The following CFAP206 variants were observed in gnomAD, a reference collection of about 807,000 sequenced individuals.
CFAP206 encodes the protein cilia and flagella associated protein 206, also known as cilia- and flagella-associated protein 206.
Under a neutral mutation model 65.4 loss-of-function variants are expected in CFAP206, and 53 were observed. The ratio of observed to expected loss-of-function variants is 0.81; its 90% CI spans 0.65 to 1.02. CFAP206 has a LOEUF of 1.02. Among genes scored for constraint, CFAP206 ranks in the 50% least tolerant of loss-of-function variants. The pLI is 0.00. For missense variants in CFAP206, 663 were observed against 753.2 expected, an observed-to-expected ratio of 0.88 and a Z score of 1.40; for synonymous variants, 250 against 254.4, an observed-to-expected ratio of 0.98 and a Z score of 0.17.
At chr6:87,422,652 G>A (rs530336485) in intron 7 of CFAP206, among the ~76,000 whole-genome samples, 1 of 151,882 alleles carries the variant, frequency 6.6e-6, no homozygotes, top group South Asian at 2.1e-4. Flanking sequence ...TTGGGAGGCT[G>A]AGGCAGGAGA....
intron 11 of CFAP206, among the ~76,000 whole-genome samples, chr6:87,448,439 G>A (rs987339908): frequency 2.6e-5 from 4 of 152,140 alleles, no homozygotes; most frequent in Non-Finnish European, 4.4e-5. Context: ...TGTATACAAT[G>A]TATTATGATC....
chr6:87,437,789 G>T (rs1382345281), intron 11 of CFAP206, among the ~76,000 whole-genome samples: 1 of 147,950 alleles, frequency 6.8e-6, no homozygotes, highest in East Asian at 2.0e-4. Context: ...TTGTGTAGCT[G>T]AGACCACACA....
intron 11 of CFAP206, among the ~76,000 whole-genome samples, chr6:87,453,419 C>A (rs1378830904): frequency 2.0e-5 from 3 of 152,048 alleles, no homozygotes; most frequent in African/African-American, 7.2e-5. Context: ...AGTAAGTACA[C>A]AAATACAAAA....
intron 11 of CFAP206, chr6:87,444,599 T>C: frequency 3.2e-6 from 1 of 313,272 alleles, no homozygotes; most frequent in Non-Finnish European, 6.2e-6. Context: ...CAGGCATTCC[T>C]TCATGAACAT....
chr6:87,414,068 A>C (rs1366820052), intron 4 of CFAP206, among the ~76,000 whole-genome samples, 168 bp downstream of exon 4: 1 of 152,206 alleles, frequency 6.6e-6, no homozygotes, highest in Non-Finnish European at 1.5e-5. Flanking sequence ...ATGAAAAAAA[A>C]CCATTGGCCT....
rs1768742841 is a variant in CFAP206 at position 87,461,203 on chromosome 6, G to T, written c.1638+38G>T. The T allele has an allele frequency of 2.8e-6, 4 of 1,405,196 alleles. No individual in the cohort carries two copies. The East Asian group carries it at 8.0e-5, about 28-fold the overall frequency. 87.0% of individuals were successfully genotyped at this position (1,405,196 alleles called of 1,614,324 possible). A position where few individuals can be genotyped will look rare whatever the true frequency, so the allele number is the denominator to read the frequency against. ...ACTTTCTAGAATTATTTATATGTTG[G>T]GGAATTTTAATCTATTGTTACTCAT... On this transcript the variant is annotated intron_variant, in intron 12 of 12. Coordinates refer to ENST00000369562, the MANE Select transcript of CFAP206 (RefSeq NM_001031743.3).
At chr6:87,420,196 T>C (rs1484860916) in intron 7 of CFAP206, among the ~76,000 whole-genome samples, 1 of 152,246 alleles carries the variant, frequency 6.6e-6, no homozygotes, top group Non-Finnish European at 1.5e-5. Flanking sequence ...ACTAAGGGGA[T>C]TTTGTAATCA....
At chr6:87,457,807 G>A (rs1768674810) in intron 11 of CFAP206, among the ~76,000 whole-genome samples, 1 of 152,124 alleles carries the variant, frequency 6.6e-6, no homozygotes, top group East Asian at 1.9e-4. Flanking sequence ...GACAACCAAA[G>A]CAAAAATGGA....
At chr6:87,447,586 T>C (rs960683823) in intron 11 of CFAP206, among the ~76,000 whole-genome samples, 3 of 152,228 alleles carry the variant, frequency 2.0e-5, no homozygotes, top group Non-Finnish European at 4.4e-5. Flanking sequence ...GCATCAGGAT[T>C]GCATTGAGGA....
chr6:87,428,610 T>G lies in CFAP206; in HGVS notation c.961-16T>G. 6.2e-7 allele frequency: 1 copy of G among 1,610,372 alleles called. No individual in the cohort carries two copies. On this transcript the variant is annotated splice_polypyrimidine_tract_variant and intron_variant, in intron 8 of 12. Coordinates refer to ENST00000369562, the MANE Select transcript of CFAP206 (RefSeq NM_001031743.3). ...TTACACAGTTGCATTTTGAATATTT[T>G]TTTTCTCTTCCTCAGCCTATCTTCA...
chr6:87,410,615 G>A lies in CFAP206; in HGVS notation c.139G>A (p.Gly47Ser). Residue 47 changes from glycine to serine, a missense_variant, in exon 3 of 13, where the codon GGC becomes AGC. Gly to Ser is a moderately conservative substitution (Grantham distance 56). Transcript: ENST00000369562. ...VKAVVLDPSN[G>S]FNMDRTLMKS... ...AGCTGTTGTCCTGGATCCAAGTAAT[G>A]GCTTTAACATGGATAGAACCCTCAT... 2 of 1,613,888 alleles carry A rather than the reference G, an allele frequency of 1.2e-6. No individual in the cohort carries two copies. Among genetic ancestry groups the A allele is most frequent in the Non-Finnish European group, 1.7e-6 (2 of 1,179,866 alleles).
chr6:87,424,588 T>G (rs1792376266), intron 7 of CFAP206, among the ~76,000 whole-genome samples: 3 of 152,228 alleles, frequency 2.0e-5, no homozygotes, highest in Admixed American at 2.0e-4. Context: ...AATATAATTA[T>G]TTCAAATTCA....
rs117687633 is a variant in CFAP206 at position 87,427,011 on chromosome 6, A to T, written c.960+366A>T. 3.9e-3 allele frequency among the ~76,000 whole-genome samples: 601 copies of T among 152,340 alleles called. 2 individuals carry two copies. Among genetic ancestry groups the T allele is most frequent in the Non-Finnish European group, 5.6e-3 (384 of 68,032 alleles). ...TGACCTTTCTGAAAAGACAGATAAT[A>T]ATCACTTTGTTTACCAGGCCTGCAC... On this transcript the variant is annotated intron_variant, in intron 8 of 12. Transcript: ENST00000369562.
chr6:87,410,172 C>T (rs1767708329), intron 2 of CFAP206, among the ~76,000 whole-genome samples: 1 of 152,160 alleles, frequency 6.6e-6, no homozygotes, highest in African/African-American at 2.4e-5. Flanking sequence ...TTGGAAACAT[C>T]AATAATGTTC....
At chr6:87,462,076 A>G (rs1768759248) in intron 12 of CFAP206, among the ~76,000 whole-genome samples, 1 of 152,178 alleles carries the variant, frequency 6.6e-6, no homozygotes, top group Non-Finnish European at 1.5e-5. Context: ...GAAGGGGCCA[A>G]AAAATGGAGA....
At chr6:87,443,941 C>T (rs1008927481) in intron 11 of CFAP206, among the ~76,000 whole-genome samples, 3 of 152,094 alleles carry the variant, frequency 2.0e-5, no homozygotes, top group Non-Finnish European at 2.9e-5. Flanking sequence ...CATGTTTCTG[C>T]GGCATACTTT....
chr6:87,424,277 A>G (rs1454487301), intron 7 of CFAP206, among the ~76,000 whole-genome samples: 2 of 152,042 alleles, frequency 1.3e-5, no homozygotes, highest in Admixed American at 6.6e-5. Flanking sequence ...AATAAATATA[A>G]TTATTTTTTT....
chr6:87,440,439 TC>T (rs1365806405), intron 11 of CFAP206, among the ~76,000 whole-genome samples: 30 of 152,256 alleles, frequency 2.0e-4, no homozygotes, highest in African/African-American at 7.2e-4. Context: ...GATAATTCCT[TC>T]CCCTAGACTT....
intron 12 of CFAP206, among the ~76,000 whole-genome samples, chr6:87,462,755 C>T (rs554981818): frequency 6.6e-6 from 1 of 152,274 alleles, no homozygotes; most frequent in Admixed American, 6.5e-5. Flanking sequence ...TTCATACTGA[C>T]TGAGCCCTCT....
Sources: allele counts gnomAD v4.1 joint callset (sites outside exome capture counted in the v4.1 genomes callset), GRCh38; gene constraint gnomAD v4.1.1; transcripts MANE v1.5; gene names NCBI Gene and HGNC (gene_info 2026-07-23, HGNC 2026-07-21).